Variants in LINGO2 observed in about 807,000 individuals in gnomAD.
LINGO2 encodes leucine rich repeat and Ig domain containing 2.
A neutral mutation model predicts 30.6 loss-of-function variants in LINGO2; 14 were observed. That is an observed-to-expected ratio of 0.46 (90% CI 0.30 to 0.72). The LOEUF is 0.72. LINGO2 is among the 30% of genes least tolerant of loss of function. The pLI, the probability that LINGO2 is intolerant of heterozygous loss-of-function variation, is 0.07. For missense variants in LINGO2, 729 were observed against 751.7 expected, an observed-to-expected ratio of 0.97 and a Z score of 0.35; for synonymous variants, 317 against 288.5, an observed-to-expected ratio of 1.10 and a Z score of -1.00.
At chr9:28,473,568 C>A (rs1825613153) in intron 2 of LINGO2, among the ~76,000 whole-genome samples, 1 of 152,004 alleles carries the variant, frequency 6.6e-6, no homozygotes, top group South Asian at 2.1e-4. Flanking sequence ...TTCCTTTCTT[C>A]CCTTTTCAGA....
At chr9:28,487,113 T>C (rs1826200297) in intron 1 of LINGO2, among the ~76,000 whole-genome samples, 1 of 152,098 alleles carries the variant, frequency 6.6e-6, no homozygotes, top group South Asian at 2.1e-4. Context: ...AAGTTACAGT[T>C]CCTCACTAAT....
At chr9:28,509,746 G>A (rs1010928030) in intron 1 of LINGO2, among the ~76,000 whole-genome samples, 1 of 152,144 alleles carries the variant, frequency 6.6e-6, no homozygotes, top group Non-Finnish European at 1.5e-5. Flanking sequence ...CAACCTGATG[G>A]CACTCTAATC....
chr9:29,193,723 G>A, the LINGO2 span, among the ~76,000 whole-genome samples: 2 of 152,210 alleles, frequency 1.3e-5, no homozygotes, highest in African/African-American at 4.8e-5. Flanking sequence ...CACTCACTGT[G>A]TTGTTTCTGG....
intron 4 of LINGO2, among the ~76,000 whole-genome samples, chr9:28,190,382 G>A (rs1057144453): frequency 6.6e-6 from 1 of 152,062 alleles, no homozygotes; most frequent in Non-Finnish European, 1.5e-5. Flanking sequence ...GCAATGAACC[G>A]AATATTTTTG....
intron 5 of LINGO2, among the ~76,000 whole-genome samples, chr9:27,955,975 T>C (rs1819546863): frequency 6.9e-6 from 1 of 144,052 alleles, no homozygotes; most frequent in African/African-American, 2.5e-5. Flanking sequence ...GTTTCGCTCT[T>C]GTTGCCCAGG....
At chr9:28,425,329 G>A (rs59253217) in intron 2 of LINGO2, among the ~76,000 whole-genome samples, 18,658 of 139,334 alleles carry the variant, frequency 0.13, 1,382 homozygotes, top group East Asian at 0.25. Context: ...ATGTGTGTGT[G>A]TATATATATA....
At chr9:28,671,139 C>G (rs1477526388), upstream of LINGO2, among the ~76,000 whole-genome samples, 1 of 151,990 alleles carries the variant, frequency 6.6e-6, no homozygotes, top group Non-Finnish European at 1.5e-5. Context: ...TTTCTACATG[C>G]CCATTACTCC....
In LINGO2 at chr9:28,003,138, A is replaced by G. The variant is rs527554630; in HGVS notation, c.-36+9217T>C. Among the ~76,000 whole-genome samples, 11 of 152,294 alleles carry G rather than the reference A, an allele frequency of 7.2e-5. No homozygotes were observed. In the South Asian group the frequency reaches 2.3e-3, roughly 32 times the overall value. On this transcript the variant is annotated intron_variant, in intron 5 of 5. Transcript: ENST00000379992. ...ACAATAAATGATGTGGTAAGAAAGCATTAGTGATCCTGCCATATTTGTGAT... is the reference window on the plus strand; with the variant it reads ...ACAATAAATGATGTGGTAAGAAAGCGTTAGTGATCCTGCCATATTTGTGAT...
chr9:27,977,054 A>G (rs1820632819), intron 5 of LINGO2, among the ~76,000 whole-genome samples: 1 of 151,928 alleles, frequency 6.6e-6, no homozygotes. Flanking sequence ...AAAAAAAAAG[A>G]AGTGGAAGCA....
intron 3 of LINGO2, among the ~76,000 whole-genome samples, chr9:28,297,799 A>G (rs1448291781): frequency 6.6e-6 from 1 of 152,208 alleles, no homozygotes. Context: ...TGATAGTACA[A>G]TAACATCTAC....
At chr9:28,528,998 T>A (rs189244034) in intron 1 of LINGO2, among the ~76,000 whole-genome samples, 1 of 152,158 alleles carries the variant, frequency 6.6e-6, no homozygotes. Context: ...TTCCCTGGTA[T>A]TCTTCCTAGA....
chr9:28,998,234 C>T, the LINGO2 span, among the ~76,000 whole-genome samples: 3 of 152,066 alleles, frequency 2.0e-5, no homozygotes, highest in East Asian at 5.8e-4. Flanking sequence ...GAAGTAACAG[C>T]AGAAATACCA....
At chr9:28,678,143 T>TAAAAA in the LINGO2 span, among the ~76,000 whole-genome samples, 3 of 144,384 alleles carry the variant, frequency 2.1e-5, no homozygotes, top group Non-Finnish European at 1.5e-5. Context: ...CTTTGAATAT[T>TAAAAA]AAAAAAAAAA....
At chr9:29,103,207 A>G in the LINGO2 span, among the ~76,000 whole-genome samples, 35,583 of 151,616 alleles carry the variant, frequency 0.23, 4,307 homozygotes, top group East Asian at 0.4. Context: ...TTTTTAAAGC[A>G]TCACAGAATT....
chr9:28,148,496 C>A lies in LINGO2; in HGVS notation c.-86-136091G>T. ...GACAGACCAGGTAGAGACCCAGGGGCAGGAGGACAATAAAAGGGGCCCCTG... is the reference window on the plus strand; with the variant it reads ...GACAGACCAGGTAGAGACCCAGGGGAAGGAGGACAATAAAAGGGGCCCCTG... On this transcript the variant is annotated intron_variant, in intron 4 of 5. Transcript: ENST00000379992. This position sits in a 1 kb window ranked among gnomAD's most constrained non-coding sequence, Gnocchi z 5.1. 2.1e-6 allele frequency: 3 copies of A among 1,448,972 alleles called. No homozygotes were observed. The South Asian group carries it at 3.7e-5, about 18-fold the overall frequency. 89.8% of individuals were successfully genotyped at this position (1,448,972 alleles called of 1,614,324 possible).
the LINGO2 span, among the ~76,000 whole-genome samples, chr9:29,184,516 C>T: frequency 6.6e-6 from 1 of 152,044 alleles, no homozygotes; most frequent in African/African-American, 2.4e-5. Context: ...GACTAAAGCA[C>T]GAGACAATTT....
intron 4 of LINGO2, among the ~76,000 whole-genome samples, chr9:28,099,015 T>C (rs1003668372): frequency 2.6e-5 from 4 of 152,164 alleles, no homozygotes; most frequent in Admixed American, 6.6e-5. Context: ...AACAAACCCA[T>C]AGGAACTTCA....
chr9:29,030,409 C>T, the LINGO2 span, among the ~76,000 whole-genome samples: 1 of 152,090 alleles, frequency 6.6e-6, no homozygotes, highest in African/African-American at 2.4e-5. Flanking sequence ...AAAGTTAATT[C>T]AAATTTCACC....
At chr9:28,966,867 C>T in the LINGO2 span, among the ~76,000 whole-genome samples, 5 of 151,646 alleles carry the variant, frequency 3.3e-5, no homozygotes, top group Non-Finnish European at 5.9e-5. Context: ...TTGCCTTTAC[C>T]GAGAGGTAGG....
Sources: allele counts gnomAD v4.1 joint callset (sites outside exome capture counted in the v4.1 genomes callset), GRCh38; gene constraint gnomAD v4.1.1; non-coding constraint Gnocchi (gnomAD v3.1); transcripts MANE v1.5; gene names NCBI Gene and HGNC (gene_info 2026-07-23, HGNC 2026-07-21).